Variants in USP28 observed in about 807,000 individuals in gnomAD.
The protein encoded by USP28 is ubiquitin carboxyl-terminal hydrolase 28.
USP28 carries 113 observed loss-of-function variants against 145.0 expected under a neutral mutation model. The ratio of observed to expected loss-of-function variants is 0.78; its 90% CI spans 0.67 to 0.91. The LOEUF (loss-of-function observed/expected upper bound fraction) is 0.91. Ranked by LOEUF, USP28 falls within the 40% of genes least tolerant of loss-of-function variation. The pLI is 0.00. For missense variants in USP28, 1,201 were observed against 1,289.6 expected (o/e 0.93, Z 1.05); for synonymous variants, 447 against 450.9 (o/e 0.99, Z 0.11).
intron 5 of USP28, among the ~76,000 whole-genome samples, chr11:113,836,100 C>CA (rs35996951): frequency 6.6e-6 from 1 of 152,024 alleles, no homozygotes; most frequent in Non-Finnish European, 1.5e-5. Flanking sequence ...AGAAAAACAA[C>CA]AAAAAAGAAC....
chr11:113,867,955 A>C (rs1432397231), intron 1 of USP28, among the ~76,000 whole-genome samples: 1 of 152,204 alleles, frequency 6.6e-6, no homozygotes, highest in African/African-American at 2.4e-5. Context: ...ACCAGCCATC[A>C]TGTAGCATGC....
chr11:113,835,924 T>C (rs1204505891), intron 5 of USP28, among the ~76,000 whole-genome samples: 1 of 151,858 alleles, frequency 6.6e-6, no homozygotes, highest in Non-Finnish European at 1.5e-5. Flanking sequence ...CTACTAAAAA[T>C]ACAAAATTAG....
At chr11:113,844,832 C>T (rs756422446) in intron 3 of USP28, among the ~76,000 whole-genome samples, 10 of 152,116 alleles carry the variant, frequency 6.6e-5, no homozygotes, top group Non-Finnish European at 1.0e-4. Flanking sequence ...TGGCCAGGTG[C>T]GGTGGCTCAC....
intron 7 of USP28, among the ~76,000 whole-genome samples, chr11:113,832,904 G>A (rs766756526): frequency 2.0e-5 from 3 of 152,112 alleles, no homozygotes; most frequent in Non-Finnish European, 4.4e-5. Flanking sequence ...CCAAGTAGCT[G>A]GGACTACAGG....
intron 1 of USP28, among the ~76,000 whole-genome samples, chr11:113,858,124 C>T (rs780052926): frequency 6.6e-6 from 1 of 152,178 alleles, no homozygotes; most frequent in Admixed American, 6.6e-5. Flanking sequence ...TCTCAGCCTC[C>T]CAAAGTACTG....
At chr11:113,806,828 T>C (rs961909689) in intron 18 of USP28, among the ~76,000 whole-genome samples, 2 of 152,106 alleles carry the variant, frequency 1.3e-5, no homozygotes, top group Non-Finnish European at 2.9e-5. Flanking sequence ...TCTAATTCAG[T>C]AGGATAAAGA....
exon 4 of USP28, chr11:113,841,710 A>C: frequency 6.2e-7 from 1 of 1,613,702 alleles, no homozygotes; most frequent in Non-Finnish European, 8.5e-7. Flanking sequence ...ACTCCAGTAG[A>C]CTCAAAGCAA....
chr11:113,844,526 C>A (rs1317378140), intron 3 of USP28, among the ~76,000 whole-genome samples: 4 of 151,896 alleles, frequency 2.6e-5, no homozygotes, highest in Non-Finnish European at 5.9e-5. Flanking sequence ...GAGATCTACA[C>A]ACAGAACATA....
chr11:113,858,858 C>G (rs1207125163), intron 1 of USP28, among the ~76,000 whole-genome samples: 1 of 152,158 alleles, frequency 6.6e-6, no homozygotes, highest in African/African-American at 2.4e-5. Context: ...ATCCACCCAC[C>G]TCGGCCTCCC....
At chr11:113,809,219 C>T (rs1449106996) in exon 17 of USP28, 1 of 1,614,186 alleles carries the variant, frequency 6.2e-7, no homozygotes, top group East Asian at 2.2e-5. Flanking sequence ...AGGGCTTCCA[C>T]TTCTGACATT....
At chr11:113,849,987 G>C (rs868210598) in intron 3 of USP28, among the ~76,000 whole-genome samples, 5 of 152,242 alleles carry the variant, frequency 3.3e-5, no homozygotes, top group Middle Eastern at 6.8e-3. Flanking sequence ...GGAGTGAGCC[G>C]TTTGACTCTC....
chr11:113,840,741 A>T (rs1945101889), exon 5 of USP28: 1 of 1,614,028 alleles, frequency 6.2e-7, no homozygotes, highest in South Asian at 1.1e-5. Context: ...GTTTCTGCAG[A>T]GGTTGCTTCA....
At chr11:113,827,666 T>G (rs939077082) in intron 10 of USP28, among the ~76,000 whole-genome samples, 4 of 152,180 alleles carry the variant, frequency 2.6e-5, no homozygotes, top group Non-Finnish European at 4.4e-5. Context: ...GCACTAAGCA[T>G]CTACATAACT....
intron 18 of USP28, among the ~76,000 whole-genome samples, chr11:113,807,037 T>C (rs958932287): frequency 6.6e-6 from 1 of 152,108 alleles, no homozygotes; most frequent in Non-Finnish European, 1.5e-5. Flanking sequence ...CTAGCGACTA[T>C]ACAAATATGA....
rs532171649 is a variant in USP28 at position 113,867,829 on chromosome 11, G to A, written c.57+7616C>T. ...GGGGAGGGAGGGAGGGAGGAAGGGA[G>A]GGAGGAAGAAAGGGAGGAAGGGAGG... On this transcript the variant is annotated intron_variant, in intron 1 of 24. Transcript: ENST00000003302. Among the ~76,000 whole-genome samples the A allele has an allele frequency of 2.2e-3, 321 of 146,388 alleles. 1 individual carries two copies. The highest frequency in any genetic ancestry group is 2.4e-3 in the Non-Finnish European group (161 of 66,218).
chr11:113,873,032 C>T (rs536349711), intron 1 of USP28, among the ~76,000 whole-genome samples: 2 of 152,276 alleles, frequency 1.3e-5, no homozygotes, highest in African/African-American at 4.8e-5. Flanking sequence ...GGAAGGGAAG[C>T]AGTCTAGGCT....
chr11:113,865,617 A>G (rs1215029523), intron 1 of USP28, among the ~76,000 whole-genome samples: 4 of 152,194 alleles, frequency 2.6e-5, no homozygotes, highest in African/African-American at 9.6e-5. Flanking sequence ...TCTTCAACAA[A>G]TGGTATTGGT....
chr11:113,838,770 T>C (rs1041472958), intron 5 of USP28, among the ~76,000 whole-genome samples: 2 of 152,268 alleles, frequency 1.3e-5, no homozygotes, highest in African/African-American at 4.8e-5. Context: ...TGTGCCACTC[T>C]TTCCAAAGTA....
chr11:113,829,223 C>T lies in USP28; in HGVS notation c.1033G>A (p.Asp345Asn), dbSNP rs774912383. The T allele has an allele frequency of 5.8e-5, 94 of 1,613,868 alleles. No individual in the cohort carries two copies. The highest frequency in any genetic ancestry group is 3.2e-4 in the African/African-American group (24 of 74,888). The change falls in exon 10 of 25, where the codon GAT (aspartate) becomes AAT (asparagine). Residue 345 changes from aspartate to asparagine, a missense_variant. By Grantham distance (23) the Asp-to-Asn change is conservative (BLOSUM62 1). Transcript: ENST00000003302. ...TCTTGTCCATACTTCACCGAGTGATCGGAGGGAAGAAGCTCAACATCACCC... is the reference window on the plus strand; with the variant it reads ...TCTTGTCCATACTTCACCGAGTGATTGGAGGGAAGAAGCTCAACATCACCC...
Sources: gnomAD v4.1 joint callset for allele counts (sites outside exome capture counted in the v4.1 genomes callset) on GRCh38, gnomAD v4.1.1 for gene constraint, MANE v1.5 for transcripts, NCBI Gene and HGNC (gene_info 2026-07-23, HGNC 2026-07-21) for gene names.